LIPC: variants seen among roughly 807,000 people sequenced by gnomAD.
LIPC encodes hepatic triacylglycerol lipase.
LIPC carries 44 observed loss-of-function variants against 50.7 expected under a neutral mutation model. The ratio of observed to expected loss-of-function variants is 0.87; its 90% CI spans 0.68 to 1.11. LIPC has a LOEUF of 1.11. LIPC is among the 50% of genes most tolerant of loss of function. The pLI is 0.00. For synonymous variants in LIPC, 271 were observed against 256.4 expected (o/e 1.06, Z -0.54); for missense variants, 697 against 648.2 (o/e 1.08, Z -0.82).
In LIPC at chr15:58,542,645, A is replaced by G. The variant is rs368820559; in HGVS notation, c.568A>G (p.Ile190Val). The G allele has an allele frequency of 1.2e-5, 19 of 1,607,494 alleles. No homozygotes were observed. The highest frequency in any genetic ancestry group is 2.7e-5 in the African/African-American group (2 of 74,784). Residue 190 changes from isoleucine to valine, a missense_variant, in exon 4 of 9, where the codon ATC becomes GTC. By Grantham distance (29) the Ile-to-Val change is conservative (BLOSUM62 3). Coordinates refer to ENST00000299022, the MANE Select transcript of LIPC (RefSeq NM_000236.3). ...CGGTGGAACGCACAAGATTGGGAGA[A>G]TCACAGGTAACCATGCCTAATAACT... ...SIGGTHKIGR[I>V]TGLDAAGPLF...
chr15:58,469,102 T>TTGTGTGTGTGTGTGTG (rs56309142), intron 1 of LIPC, among the ~76,000 whole-genome samples: 8 of 140,720 alleles, frequency 5.7e-5, no homozygotes, highest in Middle Eastern at 3.6e-3. Flanking sequence ...AGGGAACATT[T>TTGTGTGTGTGTGTGTG]TGTGTGTGTG....
chr15:58,535,666 C>T (rs1338968561), intron 1 of LIPC, among the ~76,000 whole-genome samples: 1 of 152,208 alleles, frequency 6.6e-6, no homozygotes, highest in Non-Finnish European at 1.5e-5. Flanking sequence ...ATGCTAGATG[C>T]TCCAATTGGT....
intron 1 of LIPC, among the ~76,000 whole-genome samples, chr15:58,515,550 A>ATATATATATATATATC (rs1566935655): frequency 6.6e-6 from 1 of 151,044 alleles, no homozygotes; most frequent in African/African-American, 2.4e-5. Flanking sequence ...ATATATATAT[A>ATATATATATATATATC]TATCTCAAAA....
intron 1 of LIPC, among the ~76,000 whole-genome samples, chr15:58,490,499 G>A (rs1359649980): frequency 2.6e-5 from 4 of 152,080 alleles, no homozygotes; most frequent in East Asian, 3.9e-4. Flanking sequence ...CGCCGTTCGC[G>A]GGATAATTAT....
chr15:58,550,050 G>A (rs1312744638), intron 6 of LIPC, among the ~76,000 whole-genome samples: 1 of 152,184 alleles, frequency 6.6e-6, no homozygotes, highest in Non-Finnish European at 1.5e-5. Context: ...CAACCCTGCC[G>A]TTTTTCAGAT....
At position 58,541,814 on chromosome 15, in the gene LIPC, G is replaced by A. The variant is rs1269796510; in HGVS notation, c.303G>A (p.Trp101Ter). The A allele has an allele frequency of 6.2e-7, 1 of 1,613,632 alleles. No individual in the cohort carries two copies. The highest frequency in any genetic ancestry group is 1.1e-5 in the South Asian group (1 of 91,000). Reference sequence around the variant, plus strand: ...ACGGCGTGCTAGAAAACTGGATCTGGCAGATGGTGGCCGCGCTGAAGTCTC... The same window carrying A: ...ACGGCGTGCTAGAAAACTGGATCTGACAGATGGTGGCCGCGCTGAAGTCTC... ...SVDGVLENWI[W>*]QMVAALKSQP... The change falls in exon 3 of 9, where the codon TGG (tryptophan) becomes TGA (stop). Residue 101 changes from tryptophan (W) to a stop codon, truncating the protein, a stop_gained. Coordinates refer to ENST00000299022, the MANE Select transcript of LIPC (RefSeq NM_000236.3). LOFTEE classifies it high-confidence loss of function.
At chr15:58,550,824 ACTTTTT>A (rs1893728126) in intron 6 of LIPC, among the ~76,000 whole-genome samples, 1 of 60,774 alleles carries the variant, frequency 1.6e-5, no homozygotes, top group East Asian at 4.8e-4. Context: ...TTTCTTTCTT[ACTTTTT>A]TTTTTTTTTT....
At chr15:58,452,467 A>G (rs1893937069) in intron 1 of LIPC, among the ~76,000 whole-genome samples, 1 of 152,194 alleles carries the variant, frequency 6.6e-6, no homozygotes, top group African/African-American at 2.4e-5. Context: ...TATTTCTCCC[A>G]TTCCAGCCTT....
intron 4 of LIPC, among the ~76,000 whole-genome samples, chr15:58,543,832 G>T (rs927274861): frequency 6.6e-6 from 1 of 152,048 alleles, no homozygotes; most frequent in Non-Finnish European, 1.5e-5. Flanking sequence ...ATATTGGTCA[G>T]GCTGGTCTCG....
intron 1 of LIPC, among the ~76,000 whole-genome samples, chr15:58,491,515 A>AACCCTCTCC (rs1891586946): frequency 6.6e-6 from 1 of 152,326 alleles, no homozygotes; most frequent in East Asian, 1.9e-4. Flanking sequence ...ACTTTAAACC[A>AACCCTCTCC]ACCCTCTCCA....
At chr15:58,558,288 G>C (rs905343257) in intron 6 of LIPC, among the ~76,000 whole-genome samples, 2 of 152,030 alleles carry the variant, frequency 1.3e-5, no homozygotes, top group African/African-American at 2.4e-5. Context: ...GGCCAGGATG[G>C]TCTCAATCTC....
At chr15:58,516,716 A>G (rs1892499565) in intron 1 of LIPC, among the ~76,000 whole-genome samples, 1 of 152,028 alleles carries the variant, frequency 6.6e-6, no homozygotes, top group South Asian at 2.1e-4. Flanking sequence ...GCATGCTTAC[A>G]TTTTCTTCTA....
chr15:58,460,512 T>C (rs1025025840), intron 1 of LIPC, among the ~76,000 whole-genome samples: 1 of 152,208 alleles, frequency 6.6e-6, no homozygotes. Context: ...AGCCCTCCAC[T>C]TAGGTAATAA....
At chr15:58,502,384 AC>A (rs1438502686) in intron 1 of LIPC, among the ~76,000 whole-genome samples, 3 of 151,978 alleles carry the variant, frequency 2.0e-5, no homozygotes, top group Admixed American at 2.0e-4. Flanking sequence ...CCCGAGTTTT[AC>A]CTGGCACACG....
chr15:58,511,727 G>A (rs1197243129), intron 1 of LIPC, among the ~76,000 whole-genome samples: 1 of 152,236 alleles, frequency 6.6e-6, no homozygotes, highest in Non-Finnish European at 1.5e-5. Flanking sequence ...CTGGGATATA[G>A]AGAAAGGTCT....
chr15:58,440,384 T>G (rs185759822), intron 1 of LIPC, among the ~76,000 whole-genome samples: 6 of 152,316 alleles, frequency 3.9e-5, no homozygotes, highest in Admixed American at 2.6e-4. Context: ...TGACAAATGT[T>G]CCAGCTTCCT....
At position 58,433,753 on chromosome 15, in the gene LIPC, C is replaced by G. The variant is rs531812557; in HGVS notation, c.88+1633C>G. ...TGAGCAATCTCATTGTCCTGATCAG[C>G]CTGCTTCTTTCCCCGGGGCCTAGTT... On this transcript the variant is annotated intron_variant, in intron 1 of 8. Transcript: ENST00000299022. Among the ~76,000 whole-genome samples, 184 of 152,318 alleles carry G rather than the reference C, an allele frequency of 1.2e-3. 1 individual carries two copies. Among genetic ancestry groups the G allele is most frequent in the African/African-American group, 4.2e-3 (176 of 41,576 alleles).
At chr15:58,537,058 C>T (rs918875307) in intron 1 of LIPC, among the ~76,000 whole-genome samples, 1 of 152,238 alleles carries the variant, frequency 6.6e-6, no homozygotes, top group African/African-American at 2.4e-5. Context: ...TCAGAGCGGC[C>T]TTGTGTCTGC....
intron 1 of LIPC, among the ~76,000 whole-genome samples, chr15:58,458,623 A>C (rs1379780787): frequency 1.3e-5 from 2 of 152,164 alleles, no homozygotes; most frequent in Non-Finnish European, 2.9e-5. Context: ...TTCAGTTTTC[A>C]GAGACCAGCT....
Sources: allele counts gnomAD v4.1 joint callset (sites outside exome capture counted in the v4.1 genomes callset), GRCh38; gene constraint gnomAD v4.1.1; transcripts MANE v1.5; gene names NCBI Gene and HGNC (gene_info 2026-07-23, HGNC 2026-07-21).